The following ORC5 variants were observed in gnomAD, a reference collection of about 807,000 sequenced individuals.
ORC5 encodes the protein protein phosphatase 1, regulatory subunit 117.
Under a neutral mutation model 58.8 loss-of-function variants are expected in ORC5, and 39 were observed. The ratio of observed to expected loss-of-function variants is 0.66; its 90% confidence interval spans 0.51 to 0.87. The LOEUF is 0.87. Ranked by LOEUF, ORC5 falls within the 40% of genes least tolerant of loss-of-function variation. The probability of loss-of-function intolerance (pLI) is 0.00; values close to 1 mark genes in which losing one functional copy is unlikely to be tolerated. For synonymous variants in ORC5, 218 were observed against 177.6 expected (o/e 1.23, Z -1.81); for missense variants, 493 against 506.3 (o/e 0.97, Z 0.25).
At chr7:104,184,325 G>A (rs369602537) in intron 6 of ORC5, 154 bp from the exon 7 acceptor site, 38 of 600,176 alleles carry the variant, frequency 6.3e-5, no homozygotes, top group African/African-American at 1.3e-4. Context: ...GCATGTGCCT[G>A]TAATCCCAGC....
intron 8 of ORC5, among the ~76,000 whole-genome samples, chr7:104,171,367 C>G (rs1799207931): frequency 6.6e-6 from 1 of 152,132 alleles, no homozygotes; most frequent in South Asian, 2.1e-4. Context: ...TAACAGGTGA[C>G]TTTATGAATG....
intron 9 of ORC5, 89 bp from the exon 10 acceptor site, chr7:104,166,973 G>A: frequency 1.4e-6 from 1 of 708,474 alleles, no homozygotes; most frequent in Non-Finnish European, 2.5e-6. Context: ...ATTTCCATAT[G>A]GTATTCTCTA....
At chr7:104,163,894 ACT>A (rs2115861467) in intron 11 of ORC5, among the ~76,000 whole-genome samples, 1 of 152,204 alleles carries the variant, frequency 6.6e-6, no homozygotes, top group East Asian at 1.9e-4. Context: ...GAACAGGCAG[ACT>A]CTCGCTCTTC....
In ORC5 at chr7:104,184,374, GGA is replaced by G. The variant is rs1799499049; in HGVS notation, c.685-205_685-204del. The G allele has an allele frequency of 5.4e-6, 3 of 557,308 alleles. No individual in the cohort carries two copies. The South Asian group carries it at 6.6e-5, about 12-fold the overall frequency. 34.5% of individuals were successfully genotyped at this position (557,308 alleles called of 1,614,324 possible). ...GAGGCAGGGGGATTGCTTGAGCCCAGGAGATCAAGCCTGTAGTGTGCTGTGAC... is the reference window on the plus strand; with the variant it reads ...GAGGCAGGGGGATTGCTTGAGCCCAGGATCAAGCCTGTAGTGTGCTGTGAC... On this transcript the variant is annotated intron_variant, in intron 6 of 13. Coordinates refer to ENST00000297431, the MANE Select transcript of ORC5 (RefSeq NM_002553.4).
rs117471480 is a variant in ORC5, at chr7:104,182,857, G to A, written c.824+1086C>T. ...TGCCTGTCAAATTTCTGCAGTGACCGGGTGTGGTGGCTCACACCTGTAATC... is the reference window on the plus strand; with the variant it reads ...TGCCTGTCAAATTTCTGCAGTGACCAGGTGTGGTGGCTCACACCTGTAATC... On this transcript the variant is annotated intron_variant, in intron 8 of 13. Transcript: ENST00000297431. Among the ~76,000 whole-genome samples the A allele has an allele frequency of 3.5e-4, 53 of 152,210 alleles. 2 individuals carry two copies. The East Asian group carries it at 4.4e-3, about 13-fold the overall frequency.
intron 8 of ORC5, among the ~76,000 whole-genome samples, chr7:104,176,236 T>C (rs1341708909): frequency 6.6e-6 from 1 of 152,208 alleles, no homozygotes; most frequent in Non-Finnish European, 1.5e-5. Flanking sequence ...TCTATTCAGA[T>C]TGGCTTCAAT....
chr7:104,203,077 A>G (rs1261598192), intron 2 of ORC5, among the ~76,000 whole-genome samples: 2 of 152,224 alleles, frequency 1.3e-5, no homozygotes, highest in Non-Finnish European at 2.9e-5. Flanking sequence ...AACCTGGCAA[A>G]ATAAATAAGC....
rs1042214017 is a variant in ORC5, at chr7:104,133,715, G to C, written c.1262+3066C>G. Among the ~76,000 whole-genome samples the C allele has an allele frequency of 6.6e-6, 1 of 152,014 alleles. No homozygotes were observed. Among genetic ancestry groups the C allele is most frequent in the African/African-American group, 2.4e-5 (1 of 41,344 alleles). ...AAATGTAATATGAGAAAAGAGCCTAGGGCCAAGCCTAAAGGAACAGTTATA... is the reference window on the plus strand; with the variant it reads ...AAATGTAATATGAGAAAAGAGCCTACGGCCAAGCCTAAAGGAACAGTTATA... On this transcript the variant is annotated intron_variant, in intron 13 of 13. Transcript: ENST00000297431. The surrounding 1 kb of genome is among the most constrained non-coding windows in gnomAD (Gnocchi z 4.7).
chr7:104,207,034 T>G (rs188155504), intron 1 of ORC5, among the ~76,000 whole-genome samples: 57 of 152,302 alleles, frequency 3.7e-4, no homozygotes, highest in South Asian at 2.1e-4. Context: ...CAGCAACGCA[T>G]GACTGTACTT....
chr7:104,172,870 C>T (rs143695296), intron 8 of ORC5, among the ~76,000 whole-genome samples: 5 of 151,600 alleles, frequency 3.3e-5, no homozygotes, highest in South Asian at 2.1e-4. Flanking sequence ...AGACAAATGT[C>T]GATTTATAAC....
chr7:104,159,785 T>C (rs1798993656), intron 12 of ORC5, among the ~76,000 whole-genome samples: 1 of 152,208 alleles, frequency 6.6e-6, no homozygotes, highest in Admixed American at 6.5e-5. Flanking sequence ...TCTGACTTAA[T>C]GTAAGGCTCC....
chr7:104,145,456 T>C (rs1034519442), intron 12 of ORC5, among the ~76,000 whole-genome samples: 2 of 152,132 alleles, frequency 1.3e-5, no homozygotes, highest in African/African-American at 2.4e-5. Context: ...TAAATAATAA[T>C]GGTAAAACAT....
chr7:104,143,458 T>C (rs1007270587), intron 12 of ORC5, among the ~76,000 whole-genome samples: 8 of 152,180 alleles, frequency 5.3e-5, no homozygotes, highest in African/African-American at 1.4e-4. Flanking sequence ...AAACAAGCCC[T>C]TGAAGTCACT....
At position 104,191,090 on chromosome 7, in the gene ORC5, T is replaced by C. The variant is rs139888221; in HGVS notation, c.554-2709A>G. Among the ~76,000 whole-genome samples, 52 of 149,064 alleles carry C rather than the reference T, an allele frequency of 3.5e-4. No individual in the cohort carries two copies. The East Asian group carries it at 9.0e-3, about 26-fold the overall frequency. On this transcript the variant is annotated intron_variant, in intron 5 of 13. Coordinates refer to ENST00000297431, the MANE Select transcript of ORC5 (RefSeq NM_002553.4). Reference sequence around the variant, plus strand: ...TGGATACTAGATGAGACACTGTTACTGAATTTGCTTTTTTATTTCAAAACT... The same window carrying C: ...TGGATACTAGATGAGACACTGTTACCGAATTTGCTTTTTTATTTCAAAACT...
At chr7:104,165,794 A>G (rs1487376649) in intron 10 of ORC5, 1 of 154,424 alleles carries the variant, frequency 6.5e-6, no homozygotes, top group Non-Finnish European at 1.4e-5. Flanking sequence ...GGTCAGGTAC[A>G]GTGGCGCACA....
intron 2 of ORC5, among the ~76,000 whole-genome samples, chr7:104,203,257 TG>T (rs1204994293): frequency 1.3e-5 from 2 of 152,200 alleles, no homozygotes; most frequent in African/African-American, 4.8e-5. Flanking sequence ...CCAAAGCCTG[TG>T]GGCTAGCCAC....
intron 1 of ORC5, among the ~76,000 whole-genome samples, chr7:104,206,981 C>T (rs1800102904): frequency 6.6e-6 from 1 of 152,092 alleles, no homozygotes; most frequent in Non-Finnish European, 1.5e-5. Context: ...GATTAAATTG[C>T]CTAACGATGC....
chr7:104,144,426 C>T (rs1798722670), intron 12 of ORC5, among the ~76,000 whole-genome samples: 1 of 152,026 alleles, frequency 6.6e-6, no homozygotes, highest in Non-Finnish European at 1.5e-5. Flanking sequence ...ACTATATATC[C>T]ATGAAACTCT....
intron 11 of ORC5, among the ~76,000 whole-genome samples, chr7:104,162,283 G>C (rs1451421425): frequency 6.6e-6 from 1 of 152,026 alleles, no homozygotes; most frequent in East Asian, 1.9e-4. Flanking sequence ...AGTGATTCTC[G>C]TATCTCAGCC....
Sources: gnomAD v4.1 joint callset for allele counts (sites outside exome capture counted in the v4.1 genomes callset) on GRCh38, gnomAD v4.1.1 for gene constraint, Gnocchi (gnomAD v3.1) non-coding constraint, MANE v1.5 for transcripts, NCBI Gene and HGNC (gene_info 2026-07-23, HGNC 2026-07-21) for gene names.